ARMC9: variants seen among roughly 807,000 people sequenced by gnomAD.
ARMC9 encodes armadillo repeat containing 9.
A neutral mutation model predicts 107.0 loss-of-function variants in ARMC9; 94 were observed. The ratio of observed to expected loss-of-function variants is 0.88; its 90% CI spans 0.74 to 1.04. The LOEUF is 1.04. Among genes scored for constraint, ARMC9 ranks in the 50% least tolerant of loss-of-function variants. The pLI is 0.00. For missense variants in ARMC9, 942 were observed against 1,030.1 expected (o/e 0.91, Z 1.17); for synonymous variants, 380 against 396.9 (o/e 0.96, Z 0.51).
At chr2:231,258,934 G>A (rs774595749) in intron 10 of ARMC9, 57 bp from the exon 11 acceptor site, 5 of 1,446,626 alleles carry the variant, frequency 3.5e-6, no homozygotes, top group East Asian at 4.5e-5. Flanking sequence ...CTCAGGAGGT[G>A]TAATAAACAT....
At position 231,278,402 on chromosome 2, in the gene ARMC9, G is replaced by A. The variant is rs1337868301; in HGVS notation, c.1495G>A (p.Val499Met). 6.2e-7 allele frequency: 1 copy of A among 1,614,036 alleles called. No individual in the cohort carries two copies. Among genetic ancestry groups the A allele is most frequent in the Admixed American group, 1.7e-5 (1 of 59,998 alleles). The stretch of plus-strand genomic sequence containing the variant: ...CATAGGGAAGAACATGTGTGCCAAG[G>A]TGGCAGGCCTCGTGCTCAAAGTCCT... ...RSTGKNMCAK[V>M]AGLVLKVLSD... Residue 499 changes from valine (V) to methionine (M), a missense_variant, in exon 16 of 25, where the codon GTG becomes ATG. Val to Met is a conservative substitution (Grantham distance 21). Transcript: ENST00000611582.
At chr2:231,304,048 G>A (rs1394998441) in intron 19 of ARMC9, among the ~76,000 whole-genome samples, 1 of 152,096 alleles carries the variant, frequency 6.6e-6, no homozygotes, top group African/African-American at 2.4e-5. Context: ...TGGCCAACAT[G>A]GTAAAACCCC....
At position 231,331,774 on chromosome 2, in the gene ARMC9, C is replaced by G. The variant is rs552722869; in HGVS notation, c.1774-19C>G. The G allele has an allele frequency of 2.0e-5, 32 of 1,607,208 alleles. No individual in the cohort carries two copies. In the South Asian group the frequency reaches 3.3e-4, roughly 17 times the overall value. ...GTGTCAGGGTGTCCATGGCATTCAC[C>G]CCATGTCTCCTGAAACAGGAGGACC... is the stretch of plus-strand genomic sequence containing the variant. On this transcript the variant is annotated intron_variant, in intron 19 of 24. Transcript: ENST00000611582.
chr2:231,289,315 A>C (rs982658621), intron 17 of ARMC9, among the ~76,000 whole-genome samples: 6 of 152,076 alleles, frequency 3.9e-5, no homozygotes, highest in African/African-American at 1.4e-4. Flanking sequence ...AAAAATACAA[A>C]AATTAGTCAG....
At chr2:231,254,899 CAT>C (rs2037625080) in intron 9 of ARMC9, among the ~76,000 whole-genome samples, 1 of 152,206 alleles carries the variant, frequency 6.6e-6, no homozygotes, top group African/African-American at 2.4e-5. Flanking sequence ...CAATTCCAAA[CAT>C]GTCATGTCAC....
rs994149115 is a variant in ARMC9, at chr2:231,255,552, T to C, written c.880-1034T>C. On this transcript the variant is annotated intron_variant, in intron 9 of 24. Transcript: ENST00000611582. This position sits in a 1 kb window ranked among gnomAD's most constrained non-coding sequence, Gnocchi z 4.7. ...TTTGTTTGGTTGTTTTTGTTTTTTTTCTAAAGAAAATAAAGGAATCAAAGA... is the reference window on the plus strand; with the variant it reads ...TTTGTTTGGTTGTTTTTGTTTTTTTCCTAAAGAAAATAAAGGAATCAAAGA... Among the ~76,000 whole-genome samples the C allele has an allele frequency of 1.3e-5, 2 of 152,214 alleles. No individual in the cohort carries two copies. The highest frequency in any genetic ancestry group is 2.9e-5 in the Non-Finnish European group (2 of 68,038).
At chr2:231,314,678 G>A (rs2042561953) in intron 19 of ARMC9, among the ~76,000 whole-genome samples, 1 of 152,192 alleles carries the variant, frequency 6.6e-6, no homozygotes, top group Non-Finnish European at 1.5e-5. Context: ...TCTAGACGTT[G>A]CTAAATGTCC....
chr2:231,200,440 G>T (rs2030681918), intron 1 of ARMC9, among the ~76,000 whole-genome samples: 1 of 152,148 alleles, frequency 6.6e-6, no homozygotes, highest in Admixed American at 6.5e-5. Flanking sequence ...CCTGCACTTT[G>T]GGTGGGTGAA....
Position 231,215,117 on chromosome 2 carries a change from G to A in ARMC9, c.348+116G>A, listed in dbSNP as rs923580980. The A allele has an allele frequency of 1.1e-4, 127 of 1,200,678 alleles. 2 individuals are homozygous for A. In the South Asian group the frequency reaches 1.6e-3, roughly 15 times the overall value. 74.4% of individuals were successfully genotyped at this position (1,200,678 alleles called of 1,614,324 possible). On this transcript the variant is annotated intron_variant, in intron 4 of 24. Transcript: ENST00000611582. ...GTGGCTGTGCTGTCATAATGCTTAC[G>A]AGGTACAGGCATCCTCTCTCCTGGT... is the stretch of plus-strand genomic sequence containing the variant.
At chr2:231,290,089 A>G (rs934986149) in intron 17 of ARMC9, among the ~76,000 whole-genome samples, 7 of 152,230 alleles carry the variant, frequency 4.6e-5, no homozygotes, top group African/African-American at 9.6e-5. Context: ...ACGAATGTGT[A>G]TATCTGCATA....
chr2:231,242,500 C>A (rs557554642), intron 9 of ARMC9, among the ~76,000 whole-genome samples: 1 of 152,278 alleles, frequency 6.6e-6, no homozygotes, highest in African/African-American at 2.4e-5. Flanking sequence ...AAAGTAACTT[C>A]CTCATGAGCC....
At chr2:231,222,217 AATC>A (rs2034216011) in intron 5 of ARMC9, among the ~76,000 whole-genome samples, 1 of 152,230 alleles carries the variant, frequency 6.6e-6, no homozygotes, top group African/African-American at 2.4e-5. Flanking sequence ...TTAAAGGACA[AATC>A]ATGCTAAGAC....
At position 231,297,429 on chromosome 2, in the gene ARMC9, G is replaced by A. The variant is rs573653133; in HGVS notation, c.1773+1176G>A. On this transcript the variant is annotated intron_variant, in intron 19 of 24. Transcript: ENST00000611582. The surrounding 1 kb of genome is among the most constrained non-coding windows in gnomAD (Gnocchi z 4.2). ...GAACAGGAGTCGGCAGACACTTTGT[G>A]TAAAGGAAAAGATAGGAACTATTTT... Among the ~76,000 whole-genome samples the A allele has an allele frequency of 6.6e-6, 1 of 152,318 alleles. No individual in the cohort carries two copies. Among genetic ancestry groups the A allele is most frequent in the African/African-American group, 2.4e-5 (1 of 41,582 alleles).
At chr2:231,316,643 T>A (rs1184536906) in intron 19 of ARMC9, among the ~76,000 whole-genome samples, 4 of 146,164 alleles carry the variant, frequency 2.7e-5, no homozygotes, top group African/African-American at 1.0e-4. Flanking sequence ...CCAGCCTGGG[T>A]GACAGAGCAA....
chr2:231,279,074 G>T (rs2039996415), intron 16 of ARMC9, among the ~76,000 whole-genome samples: 1 of 152,120 alleles, frequency 6.6e-6, no homozygotes, highest in Non-Finnish European at 1.5e-5. Flanking sequence ...CCTGCCCCAT[G>T]GGAGCCTGTG....
chr2:231,371,322 G>A lies in ARMC9; in HGVS notation c.2435-191G>A, dbSNP rs370221897. ...GCCAGCAAAGCTGACTGAGTGACCC[G>A]CACCAAGCAGCCTGCTTCCTGTGAG... On this transcript the variant is annotated intron_variant, in intron 24 of 24. Coordinates refer to ENST00000611582, the MANE Select transcript of ARMC9 (RefSeq NM_001352754.2). Among the ~76,000 whole-genome samples the A allele has an allele frequency of 3.1e-3, 474 of 152,236 alleles. 3 individuals are homozygous for A. The highest frequency in any genetic ancestry group is 0.011 in the African/African-American group (441 of 41,532).
At chr2:231,296,333 G>T in intron 19 of ARMC9, 80 bp downstream of exon 19, 1 of 1,234,274 alleles carries the variant, frequency 8.1e-7, no homozygotes, top group South Asian at 1.3e-5. Flanking sequence ...AGTTAGTCCA[G>T]AAATGGAGAT....
At chr2:231,280,439 CAG>C (rs1487142378) in intron 16 of ARMC9, among the ~76,000 whole-genome samples, 1 of 151,878 alleles carries the variant, frequency 6.6e-6, no homozygotes, top group East Asian at 1.9e-4. Context: ...GCATGGGTGA[CAG>C]AGCGAGACTC....
intron 10 of ARMC9, among the ~76,000 whole-genome samples, chr2:231,257,356 TCTGATG>T (rs1370484325): frequency 1.3e-5 from 2 of 152,168 alleles, no homozygotes; most frequent in African/African-American, 4.8e-5. Flanking sequence ...CTTACGAGTG[TCTGATG>T]CTGTGGTGGC....
Sources: gnomAD v4.1 joint callset for allele counts (sites outside exome capture counted in the v4.1 genomes callset) on GRCh38, gnomAD v4.1.1 for gene constraint, Gnocchi (gnomAD v3.1) non-coding constraint, MANE v1.5 for transcripts, NCBI Gene and HGNC (gene_info 2026-07-23, HGNC 2026-07-21) for gene names.